Variants in LTA4H observed in about 807,000 individuals in gnomAD.
LTA4H encodes leukotriene A-4 hydrolase.
LTA4H carries 59 observed loss-of-function variants against 89.8 expected under a neutral mutation model. That is an observed-to-expected ratio of 0.66 (90% CI 0.53 to 0.82). The LOEUF (loss-of-function observed/expected upper bound fraction) is 0.82, where lower values mean the gene tolerates loss of function less well. Ranked by LOEUF, LTA4H falls within the 40% of genes least tolerant of loss-of-function variation. The pLI is 0.00. For synonymous variants in LTA4H, 227 were observed against 253.1 expected (o/e 0.90, Z 0.98); for missense variants, 617 against 727.0 (o/e 0.85, Z 1.74).
chr12:96,041,788 C>A (rs1950688396), intron 1 of LTA4H, among the ~76,000 whole-genome samples: 1 of 151,782 alleles, frequency 6.6e-6, no homozygotes, highest in Non-Finnish European at 1.5e-5. Flanking sequence ...ACTACAGGCG[C>A]CCGCCACCAC....
chr12:96,037,262 C>A (rs1204390034), upstream of LTA4H, among the ~76,000 whole-genome samples: 1 of 152,092 alleles, frequency 6.6e-6, no homozygotes, highest in Non-Finnish European at 1.5e-5. Context: ...GTAGACATGA[C>A]CACGTCACAT....
chr12:96,036,026 G>A (rs996057188), upstream of LTA4H, among the ~76,000 whole-genome samples: 1 of 152,186 alleles, frequency 6.6e-6, no homozygotes, highest in Non-Finnish European at 1.5e-5. Context: ...GCGGTTCCTC[G>A]TTAGTATAGT....
Position 96,035,460 on chromosome 12 carries a change from C to G in LTA4H, c.60G>C (p.Lys20Asn). 1 of 1,609,416 alleles carries G rather than the reference C, an allele frequency of 6.2e-7. No individual in the cohort carries two copies. Among genetic ancestry groups the G allele is most frequent in the Non-Finnish European group, 8.5e-7 (1 of 1,177,990 alleles). The change falls in exon 1 of 19, where the codon AAG (lysine) becomes AAC (asparagine). Residue 20 changes from lysine to asparagine, a missense_variant. This residue lies in a region of LTA4H where 155 missense variants were observed against 143.3 expected (regional missense o/e 1.08). Coordinates refer to ENST00000228740, the MANE Select transcript of LTA4H (RefSeq NM_000895.3). ...LASPASVCRT[K>N]HLHLRCSVDF... ...CGACGCTGCAGCGCAGGTGCAGGTG[C>G]TTGGTCCGGCAGACGGAAGCCGGAG...
chr12:96,001,528 C>T (rs1442303381), intron 18 of LTA4H, among the ~76,000 whole-genome samples: 2 of 152,092 alleles, frequency 1.3e-5, no homozygotes, highest in Non-Finnish European at 2.9e-5. Context: ...AATATCAGCC[C>T]TGTATGTGAG....
chr12:96,036,615 GGAAGGAATGAATA>G (rs1240737349), upstream of LTA4H, among the ~76,000 whole-genome samples: 13 of 152,176 alleles, frequency 8.5e-5, no homozygotes, highest in Non-Finnish European at 1.8e-4. Context: ...AGGATAGAGA[GGAAGGAATGAATA>G]GAAGGAATAC....
At chr12:96,017,186 C>T in intron 9 of LTA4H, 72 bp from the exon 10 acceptor site, 1 of 1,014,824 alleles carries the variant, frequency 9.9e-7, no homozygotes, top group Non-Finnish European at 1.5e-6. Context: ...ACTGTAAACA[C>T]TCCATGTTAT....
chr12:96,021,206 A>C, intron 5 of LTA4H, 69 bp from the exon 6 acceptor site: 2 of 1,187,288 alleles, frequency 1.7e-6, no homozygotes, highest in Non-Finnish European at 2.3e-6. Context: ...CAGTAAGACA[A>C]TTCATATTTA....
intron 15 of LTA4H, among the ~76,000 whole-genome samples, chr12:96,007,203 A>G (rs1026298513): frequency 2.0e-5 from 3 of 152,204 alleles, no homozygotes; most frequent in African/African-American, 7.2e-5. Context: ...CCTTTTAAAT[A>G]AATATTTTGC....
In LTA4H at chr12:96,009,104, C is replaced by T; in HGVS notation, c.1424G>A (p.Arg475Lys). ...LTNACIALSQ[R>K]WITAKEDDLN... is the part of the protein sequence containing the mutation. ...CACATTATTACTTACAGTAATCCAT[C>T]TTTGACTTAAGGCAATACAAGCATT... Residue 475 changes from arginine to lysine, a missense_variant, in exon 15 of 19, where the codon AGA becomes AAA. By Grantham distance (26) the Arg-to-Lys change is conservative. This residue lies in a region of LTA4H where 290 missense variants were observed against 339.1 expected (regional missense o/e 0.86). Transcript: ENST00000228740. 1 of 1,603,098 alleles carries T rather than the reference C, an allele frequency of 6.2e-7. No individual in the cohort carries two copies. The highest frequency in any genetic ancestry group is 8.5e-7 in the Non-Finnish European group (1 of 1,171,352).
intron 15 of LTA4H, among the ~76,000 whole-genome samples, chr12:96,007,438 G>A (rs1406357188): frequency 6.6e-6 from 1 of 152,160 alleles, no homozygotes; most frequent in Non-Finnish European, 1.5e-5. Context: ...CAGCAAGGAG[G>A]GTGGAGAGGG....
At chr12:96,002,877 T>C in intron 18 of LTA4H, 83 bp downstream of exon 18, 2 of 880,400 alleles carry the variant, frequency 2.3e-6, no homozygotes, top group East Asian at 5.3e-5. Context: ...AAAAATATTG[T>C]CATATAGATT....
upstream of LTA4H, among the ~76,000 whole-genome samples, chr12:96,038,173 G>C (rs1362972017): frequency 6.6e-6 from 1 of 152,140 alleles, no homozygotes. Flanking sequence ...GATGGGTTTA[G>C]CATGCTGGTA....
intron 5 of LTA4H, among the ~76,000 whole-genome samples, chr12:96,021,350 GC>G (rs1950450180): frequency 6.6e-6 from 1 of 151,842 alleles, no homozygotes; most frequent in Non-Finnish European, 1.5e-5. Context: ...ACATCTATTT[GC>G]CTTTTATTCT....
chr12:96,025,462 A>G (rs1950503145), intron 3 of LTA4H: 1 of 152,220 alleles, frequency 6.6e-6, no homozygotes, highest in Admixed American at 6.5e-5. Context: ...AATACCATCT[A>G]GACATATTCA....
rs368609568 is a variant in LTA4H, at chr12:96,021,157, G to A, written c.586-20C>T. 1.4e-5 allele frequency: 22 copies of A among 1,573,568 alleles called. No homozygotes were observed. Among genetic ancestry groups the A allele is most frequent in the East Asian group, 4.6e-5 (2 of 43,044 alleles). On this transcript the variant is annotated intron_variant, in intron 5 of 18. Coordinates refer to ENST00000228740, the MANE Select transcript of LTA4H (RefSeq NM_000895.3). ...TGGAACCTAAAGAGGGCAAACAAAC[G>A]CACACCACGTGCTTGCATTAGTGTT...
intron 1 of LTA4H, among the ~76,000 whole-genome samples, chr12:96,041,996 T>A (rs1356257494): frequency 6.8e-6 from 1 of 147,966 alleles, no homozygotes; most frequent in Admixed American, 6.6e-5. Context: ...CTTTTTTTTT[T>A]TTTTTTTGAC....
intron 2 of LTA4H, among the ~76,000 whole-genome samples, chr12:96,028,213 G>T (rs919093093): frequency 6.6e-6 from 1 of 152,120 alleles, no homozygotes; most frequent in Non-Finnish European, 1.5e-5. Flanking sequence ...AACAGCAGAG[G>T]TTTAGAGACC....
In LTA4H at chr12:96,013,770, A is replaced by G; in HGVS notation, c.1288T>C (p.Tyr430His). 6.4e-7 allele frequency: 1 copy of G among 1,566,852 alleles called. No homozygotes were observed. The highest frequency in any genetic ancestry group is 8.7e-7 in the Non-Finnish European group (1 of 1,146,574). The part of the protein sequence containing the change: ...ITTDDWKDFL[Y>H]SYFKDKVDVL... Reference sequence around the variant, plus strand: ...CCAACCTTATCTTTAAAATAGGAATACAGGAAATCCTTCCAGTCATCAGTA... The same window carrying G: ...CCAACCTTATCTTTAAAATAGGAATGCAGGAAATCCTTCCAGTCATCAGTA... Residue 430 changes from tyrosine to histidine, a missense_variant, in exon 13 of 19, where the codon TAT (tyrosine) becomes CAT (histidine). Physicochemically the swap from Tyr to His is moderately conservative, Grantham distance 83 (BLOSUM62 2). Around this residue, in one of 3 missense-constraint regions of LTA4H, gnomAD observed 290 missense variants for 339.1 expected, o/e 0.86. Transcript: ENST00000228740.
chr12:96,035,578 G>A lies in LTA4H; in HGVS notation c.-59C>T. On this transcript the variant is annotated 5_prime_UTR_variant, in exon 1 of 19. It adds an upstream start codon to the 5' untranslated region. Transcript: ENST00000228740. Reference sequence around the variant, plus strand: ...AGCCCAACGCTCAGCTACCAGACTCGTCGATAGAGAACCTGAGGAGGAGGG... The same window carrying A: ...AGCCCAACGCTCAGCTACCAGACTCATCGATAGAGAACCTGAGGAGGAGGG... The A allele has an allele frequency of 6.5e-7, 1 of 1,528,344 alleles. No homozygotes were observed. Among genetic ancestry groups the A allele is most frequent in the Non-Finnish European group, 8.9e-7 (1 of 1,128,196 alleles). The allele number at this position is 1,528,344 out of a possible 1,614,324, so 94.7% of individuals were successfully genotyped here.
Sources: gnomAD v4.1 joint callset for allele counts (sites outside exome capture counted in the v4.1 genomes callset) on GRCh38, gnomAD v4.1.1 for gene constraint, gnomAD v4.1.1 regional missense constraint, MANE v1.5 for transcripts, NCBI Gene and HGNC (gene_info 2026-07-23, HGNC 2026-07-21) for gene names.